PYGB: variants seen among roughly 807,000 people sequenced by gnomAD.
PYGB encodes glycogen phosphorylase B.
PYGB carries 82 observed loss-of-function variants against 94.3 expected under a neutral mutation model. The ratio of observed to expected loss-of-function variants is 0.87; its 90% confidence interval spans 0.73 to 1.04. The LOEUF (loss-of-function observed/expected upper bound fraction) is 1.04, where lower values mean the gene tolerates loss of function less well. PYGB is among the 50% of genes least tolerant of loss of function. The pLI is 0.00. For missense variants in PYGB, 1,132 were observed against 1,158.2 expected, an observed-to-expected ratio of 0.98 and a Z score of 0.33; for synonymous variants, 488 against 479.1, an observed-to-expected ratio of 1.02 and a Z score of -0.24.
At chr20:25,250,443 G>A (rs2092884508) in intron 1 of PYGB, among the ~76,000 whole-genome samples, 1 of 152,170 alleles carries the variant, frequency 6.6e-6, no homozygotes, top group Non-Finnish European at 1.5e-5. Context: ...CTCTTAAACC[G>A]CACAGTCTGT....
intron 1 of PYGB, among the ~76,000 whole-genome samples, chr20:25,258,554 C>T (rs1224475572): frequency 1.3e-5 from 2 of 152,222 alleles, no homozygotes; most frequent in East Asian, 3.8e-4. Flanking sequence ...CGTGGATGGC[C>T]ATGAGAAGTA....
At chr20:25,264,670 T>A (rs2092920826) in intron 2 of PYGB, among the ~76,000 whole-genome samples, 1 of 152,098 alleles carries the variant, frequency 6.6e-6, no homozygotes, top group Admixed American at 6.5e-5. Context: ...TGAACTCCCA[T>A]TCACAATTGC....
At chr20:25,268,421 G>A (rs914417668) in intron 2 of PYGB, among the ~76,000 whole-genome samples, 3 of 148,426 alleles carry the variant, frequency 2.0e-5, no homozygotes, top group African/African-American at 5.0e-5. Flanking sequence ...TGTTGTTTAT[G>A]TTCATAAACA....
chr20:25,270,923 G>A (rs2088260980), intron 3 of PYGB, among the ~76,000 whole-genome samples: 1 of 152,246 alleles, frequency 6.6e-6, no homozygotes, highest in African/African-American at 2.4e-5. Flanking sequence ...TGTTTGCACA[G>A]GTGGACATTG....
chr20:25,253,934 T>C (rs2092895627), intron 1 of PYGB, among the ~76,000 whole-genome samples: 1 of 152,098 alleles, frequency 6.6e-6, no homozygotes, highest in African/African-American at 2.4e-5. Flanking sequence ...TAGCCAGGCA[T>C]GGTGGTGGGC....
intron 1 of PYGB, among the ~76,000 whole-genome samples, chr20:25,249,817 C>T (rs1167853707): frequency 1.3e-5 from 2 of 151,950 alleles, no homozygotes; most frequent in African/African-American, 4.8e-5. Flanking sequence ...CCCAGAATTC[C>T]CTGCTGTTGG....
chr20:25,249,360 C>G (rs1271605435), intron 1 of PYGB, among the ~76,000 whole-genome samples: 1 of 152,184 alleles, frequency 6.6e-6, no homozygotes, highest in Non-Finnish European at 1.5e-5. Context: ...TGCACAGCCC[C>G]CTGTTGCCAG....
At chr20:25,292,797 T>G (rs1034713138) in intron 17 of PYGB, among the ~76,000 whole-genome samples, 184 bp downstream of exon 17, 1 of 151,910 alleles carries the variant, frequency 6.6e-6, no homozygotes, top group Admixed American at 6.5e-5. Context: ...ATGGACGGGG[T>G]CCGGGCTGCG....
At chr20:25,289,169 G>C (rs1416494671) in intron 15 of PYGB, among the ~76,000 whole-genome samples, 1 of 152,196 alleles carries the variant, frequency 6.6e-6, no homozygotes, top group Non-Finnish European at 1.5e-5. Flanking sequence ...GTGGGAAGCT[G>C]GTCAGAGGGG....
rs1405353384 is a variant in PYGB, at chr20:25,274,654, T to C, written c.591T>C (p.Tyr197=). The part of the protein sequence containing the change: ...GNPWEKARPE[Y]MLPVHFYGRV... Reference sequence around the variant, plus strand: ...CCTGGGAGAAAGCGCGGCCTGAGTATATGCTTCCCGTGCACTTCTACGGAC... The same window carrying C: ...CCTGGGAGAAAGCGCGGCCTGAGTACATGCTTCCCGTGCACTTCTACGGAC... Residue 197 remains tyrosine, a synonymous_variant, in exon 5 of 20, where the codon TAT becomes TAC. Coordinates refer to ENST00000216962, the MANE Select transcript of PYGB (RefSeq NM_002862.4). The C allele has an allele frequency of 1.2e-6, 2 of 1,613,872 alleles. No homozygotes were observed. Among genetic ancestry groups the C allele is most frequent in the Non-Finnish European group, 1.7e-6 (2 of 1,180,022 alleles).
At chr20:25,272,454 G>T (rs936374913) in intron 4 of PYGB, among the ~76,000 whole-genome samples, 1 of 152,220 alleles carries the variant, frequency 6.6e-6, no homozygotes, top group Non-Finnish European at 1.5e-5. Flanking sequence ...TCCATGACAC[G>T]CACAGCGATG....
intron 15 of PYGB, chr20:25,289,978 T>C (rs774473632): frequency 1.9e-6 from 1 of 532,636 alleles, no homozygotes; most frequent in South Asian, 1.4e-5. Context: ...GTAACAGACA[T>C]TTCTAAAAGT....
At position 25,254,989 on chromosome 20, in the gene PYGB, T is replaced by C. The variant is rs187098671; in HGVS notation, c.244-4248T>C. ...AGCAAACAGACCTGTGTTTGAGTCG[T>C]AGGTACTGGAGTGAGAAGGAAATCC... On this transcript the variant is annotated intron_variant, in intron 1 of 19. Transcript: ENST00000216962. Among the ~76,000 whole-genome samples, 95 of 152,314 alleles carry C rather than the reference T, an allele frequency of 6.2e-4. 1 individual carries two copies. The highest frequency in any genetic ancestry group is 1.7e-3 in the South Asian group (8 of 4,824).
At chr20:25,289,281 TTTTA>T (rs1328445621) in intron 15 of PYGB, among the ~76,000 whole-genome samples, 1 of 152,276 alleles carries the variant, frequency 6.6e-6, no homozygotes, top group South Asian at 2.1e-4. Flanking sequence ...AATTGTGTCA[TTTTA>T]TTTGTCAGTA....
At chr20:25,250,406 G>A (rs2092884402) in intron 1 of PYGB, among the ~76,000 whole-genome samples, 2 of 152,138 alleles carry the variant, frequency 1.3e-5, no homozygotes, top group African/African-American at 4.8e-5. Flanking sequence ...GATTGTCTAC[G>A]TGTGGTGGCT....
At chr20:25,294,712 G>C (rs1205853523) in intron 18 of PYGB, 1 of 611,272 alleles carries the variant, frequency 1.6e-6, no homozygotes, top group Non-Finnish European at 3.0e-6. Flanking sequence ...GTGACAGGCA[G>C]TGGTGAAAAT....
intron 6 of PYGB, 115 bp from the exon 7 acceptor site, chr20:25,277,129 G>C: frequency 3.9e-6 from 3 of 772,408 alleles, no homozygotes; most frequent in Admixed American, 4.1e-5. Context: ...TGCAGCGGCT[G>C]GGGGAGTCCT....
intron 5 of PYGB, 134 bp downstream of exon 5, chr20:25,274,857 G>A (rs1175660707): frequency 7.3e-7 from 1 of 1,372,408 alleles, no homozygotes; most frequent in Non-Finnish European, 9.8e-7. Flanking sequence ...GTAAAAGCCG[G>A]GGGAGGTTTA....
chr20:25,280,951 C>A lies in PYGB; in HGVS notation c.1242C>A (p.His414Gln), dbSNP rs190796467. The change falls in exon 11 of 20, where the codon CAC (histidine) becomes CAA (glutamine). Residue 414 changes from histidine to glutamine, a missense_variant and splice_region_variant. By Grantham distance (24) the His-to-Gln change is conservative. Transcript: ENST00000216962. The part of the protein sequence containing the change: ...IYAINQRHLD[H>Q]VAALFPGDVD... Reference sequence around the variant, plus strand: ...CTGCCTCTGTGTTTTGGCACCAGCACGTGGCCGCGCTGTTTCCCGGCGATG... The same window carrying A: ...CTGCCTCTGTGTTTTGGCACCAGCAAGTGGCCGCGCTGTTTCCCGGCGATG... 2 of 1,613,694 alleles carry A rather than the reference C, an allele frequency of 1.2e-6. No homozygotes were observed. Among genetic ancestry groups the A allele is most frequent in the Non-Finnish European group, 1.7e-6 (2 of 1,179,754 alleles).
Sources: allele counts gnomAD v4.1 joint callset (sites outside exome capture counted in the v4.1 genomes callset), GRCh38; gene constraint gnomAD v4.1.1; transcripts MANE v1.5; gene names NCBI Gene and HGNC (gene_info 2026-07-23, HGNC 2026-07-21).